Variants in TMEM150B observed in about 807,000 individuals in gnomAD.
TMEM150B encodes the protein modulator of macroautophagy TMEM150B.
Under a neutral mutation model 25.2 loss-of-function variants are expected in TMEM150B, and 33 were observed. The observed-to-expected ratio is 1.31, with a 90% confidence interval of 0.99 to 1.75. The LOEUF (loss-of-function observed/expected upper bound fraction) is 1.75. Among genes scored for constraint, TMEM150B ranks in the 40% most tolerant of loss-of-function variants. The probability of loss-of-function intolerance (pLI) is 0.00; values close to 1 mark genes in which losing one functional copy is unlikely to be tolerated. For synonymous variants in TMEM150B, 133 were observed against 134.8 expected, an observed-to-expected ratio of 0.99 and a Z score of 0.09; for missense variants, 322 against 306.1, an observed-to-expected ratio of 1.05 and a Z score of -0.39.
intron 7 of TMEM150B, among the ~76,000 whole-genome samples, chr19:55,314,516 C>T (rs1004663641): frequency 6.6e-6 from 1 of 152,180 alleles, no homozygotes; most frequent in Non-Finnish European, 1.5e-5. Flanking sequence ...AGGCCAGGCT[C>T]AGAATCCGGC....
chr19:55,311,862 C>G, downstream of TMEM150B: 1 of 1,595,526 alleles, frequency 6.3e-7, no homozygotes, highest in Non-Finnish European at 8.5e-7. Flanking sequence ...TAATGGGAAC[C>G]CCAACCCTGG....
chr19:55,313,896 T>G (rs1356073270), intron 7 of TMEM150B, among the ~76,000 whole-genome samples: 5 of 152,160 alleles, frequency 3.3e-5, no homozygotes, highest in Non-Finnish European at 7.3e-5. Context: ...CTTATTCCAT[T>G]CATTCAGGGA....
intron 7 of TMEM150B, among the ~76,000 whole-genome samples, chr19:55,316,048 T>C (rs999413781): frequency 6.6e-6 from 1 of 152,176 alleles, no homozygotes; most frequent in African/African-American, 2.4e-5. Flanking sequence ...TGGTGGAAAG[T>C]GCCTCGGTTC....
chr19:55,319,803 C>T (rs2089140958), intron 6 of TMEM150B: 1 of 1,344,578 alleles, frequency 7.4e-7, no homozygotes, highest in Non-Finnish European at 9.5e-7. Context: ...AAAATTATCC[C>T]AACGTCCTGG....
intron 6 of TMEM150B, 189 bp downstream of exon 6, chr19:55,319,850 G>T: frequency 1.4e-6 from 2 of 1,423,058 alleles, no homozygotes; most frequent in Non-Finnish European, 1.8e-6. Flanking sequence ...AGCCTCGCTC[G>T]TAGTGCCCCA....
intron 1 of TMEM150B, chr19:55,324,740 C>T (rs932593943): frequency 1.0e-6 from 1 of 985,368 alleles, no homozygotes; most frequent in Non-Finnish European, 1.2e-6. Context: ...AAGTCCTCCT[C>T]ACCCCTTCTG....
intron 6 of TMEM150B, chr19:55,319,777 G>C (rs535593543): frequency 7.7e-7 from 1 of 1,304,150 alleles, no homozygotes; most frequent in East Asian, 3.4e-5. Context: ...AATAAGCTGG[G>C]GAGAGGGGCT....
intron 3 of TMEM150B, 25 bp downstream of exon 3, chr19:55,320,944 A>G (rs376212946): frequency 3.2e-5 from 51 of 1,612,230 alleles, no homozygotes; most frequent in Non-Finnish European, 4.3e-5. Context: ...CAGACCCAGG[A>G]GTCCATCATG....
chr19:55,320,582 A>G lies in TMEM150B; in HGVS notation c.104T>C (p.Leu35Pro), dbSNP rs745432894. The change falls in exon 4 of 8, where the codon CTC (leucine) becomes CCC (proline). Residue 35 changes from leucine to proline, a missense_variant. Transcript: ENST00000326652. ...AIAVTNRTVD[L>P]SKGFPYISIC... Reference sequence around the variant, plus strand: ...CCTGATGTAGGGAAAGCCTTTACTGAGGTCCACAGTCCTGTTGGTCACTGC... The same window carrying G: ...CCTGATGTAGGGAAAGCCTTTACTGGGGTCCACAGTCCTGTTGGTCACTGC... 3.3e-5 allele frequency: 54 copies of G among 1,613,682 alleles called. No individual in the cohort carries two copies. The highest frequency in any genetic ancestry group is 4.5e-5 in the Non-Finnish European group (53 of 1,179,920).
rs747724404 is a variant in TMEM150B, at chr19:55,316,947, G to A, written c.344C>T (p.Thr115Met). ...GGCAAGGAAGGCCCCTGCCAAGTGC[G>A]TAGGCCGCTGGTTCTTTTCCTGGGA... ...GNFQEKNQRP[T>M]HLAGAFLAFI... The change falls in exon 7 of 8, where the codon ACG becomes ATG. Residue 115 changes from threonine to methionine, a missense_variant. By Grantham distance (81) the Thr-to-Met change is moderately conservative (BLOSUM62 -1). Coordinates refer to ENST00000326652, the MANE Select transcript of TMEM150B (RefSeq NM_001282011.2). The A allele has an allele frequency of 2.2e-5, 35 of 1,601,936 alleles. No homozygotes were observed. Among genetic ancestry groups the A allele is most frequent in the Middle Eastern group, 3.3e-4 (2 of 6,042 alleles).
chr19:55,320,018 T>C (rs751143062), intron 6 of TMEM150B, 21 bp downstream of exon 6: 1 of 1,613,712 alleles, frequency 6.2e-7, no homozygotes, highest in African/African-American at 1.3e-5. Context: ...GGACAGACCC[T>C]GGGCGCCGAC....
At position 55,316,860 on chromosome 19, in the gene TMEM150B, G is replaced by C; in HGVS notation, c.431C>G (p.Pro144Arg). ...CCCAATCCAGGCAGCCCCGGGCTGG[G>C]GCAGCCTCTTCAGCCTCCACAGGAG... ...QLLLWRLKRLPQPGAAWIGPL... is the reference protein window; with the variant it reads ...QLLLWRLKRLRQPGAAWIGPL... Residue 144 changes from proline to arginine, a missense_variant, in exon 7 of 8, where the codon CCC (proline) becomes CGC (arginine). Coordinates refer to ENST00000326652, the MANE Select transcript of TMEM150B (RefSeq NM_001282011.2). 6.3e-7 allele frequency: 1 copy of C among 1,596,922 alleles called. No individual in the cohort carries two copies. The highest frequency in any genetic ancestry group is 8.5e-7 in the Non-Finnish European group (1 of 1,173,744).
At chr19:55,317,005 G>A (rs1342421017) in intron 6 of TMEM150B, 39 bp from the exon 7 acceptor site, 2 of 1,571,752 alleles carry the variant, frequency 1.3e-6, no homozygotes, top group Admixed American at 2.0e-5. Context: ...GAGACTCTGG[G>A]AAGGAGGGTA....
At chr19:55,321,759 T>C (rs1313923080) in intron 2 of TMEM150B, among the ~76,000 whole-genome samples, 1 of 152,038 alleles carries the variant, frequency 6.6e-6, no homozygotes, top group African/African-American at 2.4e-5. Context: ...ATACAGATAT[T>C]CTTCTCCAGC....
chr19:55,312,588 C>G (rs2088834250), downstream of TMEM150B: 1 of 257,804 alleles, frequency 3.9e-6, no homozygotes, highest in African/African-American at 2.5e-5. Flanking sequence ...TAGCCTTGAT[C>G]AGGGACAGCT....
At chr19:55,315,090 C>G (rs2088951194) in intron 7 of TMEM150B, among the ~76,000 whole-genome samples, 1 of 151,724 alleles carries the variant, frequency 6.6e-6, no homozygotes, top group Non-Finnish European at 1.5e-5. Flanking sequence ...CCGAGGCGGG[C>G]AGATCACCTG....
Position 55,316,954 on chromosome 19 carries a change from G to C in TMEM150B, c.337C>G (p.Arg113Gly). 1 of 1,599,110 alleles carries C rather than the reference G, an allele frequency of 6.3e-7. No homozygotes were observed. The highest frequency in any genetic ancestry group is 1.1e-5 in the South Asian group (1 of 88,510). Residue 113 changes from arginine (R) to glycine (G), a missense_variant, in exon 7 of 8, where the codon CGG becomes GGG. Arg to Gly is a moderately radical substitution (Grantham distance 125). Coordinates refer to ENST00000326652, the MANE Select transcript of TMEM150B (RefSeq NM_001282011.2). ...VVGNFQEKNQ[R>G]PTHLAGAFLA... is the part of the protein sequence containing the mutation. ...AAGGCCCCTGCCAAGTGCGTAGGCC[G>C]CTGGTTCTTTTCCTGGGAGGAGAAG... is the stretch of plus-strand genomic sequence containing the variant.
rs146886100 is a variant in TMEM150B, at chr19:55,323,119, A to C, written c.-153-376T>G. Among the ~76,000 whole-genome samples the C allele has an allele frequency of 5.7e-4, 87 of 152,316 alleles. No individual in the cohort carries two copies. The East Asian group carries it at 0.015, about 26-fold the overall frequency. ...GTCTTTTAATGGACATAAAATCCACATAACATTAGCCATTTTAAAGTGTAC... is the reference window on the plus strand; with the variant it reads ...GTCTTTTAATGGACATAAAATCCACCTAACATTAGCCATTTTAAAGTGTAC... On this transcript the variant is annotated intron_variant, in intron 1 of 7. Coordinates refer to ENST00000326652, the MANE Select transcript of TMEM150B (RefSeq NM_001282011.2).
At chr19:55,309,511 A>G (rs2088732965), downstream of TMEM150B, among the ~76,000 whole-genome samples, 1 of 152,240 alleles carries the variant, frequency 6.6e-6, no homozygotes. Flanking sequence ...AGCTGCCAGC[A>G]GCGTTGGTGC....
Sources: gnomAD v4.1 joint callset for allele counts (sites outside exome capture counted in the v4.1 genomes callset) on GRCh38, gnomAD v4.1.1 for gene constraint, MANE v1.5 for transcripts, NCBI Gene and HGNC (gene_info 2026-07-23, HGNC 2026-07-21) for gene names.